The following LRRTM4 variants were observed in gnomAD, a reference collection of about 807,000 sequenced individuals.
The protein encoded by LRRTM4 is leucine-rich repeat transmembrane neuronal protein 4.
Under a neutral mutation model 47.6 loss-of-function variants are expected in LRRTM4, and 25 were observed. The ratio of observed to expected loss-of-function variants is 0.53; its 90% confidence interval spans 0.38 to 0.73. The LOEUF (loss-of-function observed/expected upper bound fraction) is 0.73, where lower values mean the gene tolerates loss of function less well. LRRTM4 is among the 30% of genes least tolerant of loss of function. LRRTM4 has a pLI of 0.00. For missense variants in LRRTM4, 638 were observed against 713.4 expected (o/e 0.89, Z 1.20); for synonymous variants, 311 against 269.5 (o/e 1.15, Z -1.51).
intron 3 of LRRTM4, among the ~76,000 whole-genome samples, chr2:77,278,889 C>T (rs1210857202): frequency 6.6e-6 from 1 of 151,952 alleles, no homozygotes; most frequent in Non-Finnish European, 1.5e-5. Flanking sequence ...GTTCCACTAG[C>T]CTGCATAGTG....
chr2:76,790,275 G>C (rs901572939), intron 3 of LRRTM4, among the ~76,000 whole-genome samples: 13 of 152,196 alleles, frequency 8.5e-5, no homozygotes, highest in African/African-American at 2.9e-4. Flanking sequence ...GGTGGTATGG[G>C]GATATGGTGC....
chr2:77,111,918 T>A (rs752647330), intron 3 of LRRTM4, among the ~76,000 whole-genome samples: 4 of 152,086 alleles, frequency 2.6e-5, no homozygotes, highest in Non-Finnish European at 5.9e-5. Context: ...GAAAAAGAAA[T>A]GTGTGCATAG....
At chr2:77,363,976 C>T (rs1672339568) in intron 3 of LRRTM4, among the ~76,000 whole-genome samples, 1 of 152,074 alleles carries the variant, frequency 6.6e-6, no homozygotes, top group South Asian at 2.1e-4. Context: ...ATGATTGACA[C>T]ATTTACCACA....
chr2:76,934,593 T>C (rs1674879178), intron 3 of LRRTM4, among the ~76,000 whole-genome samples: 1 of 152,176 alleles, frequency 6.6e-6, no homozygotes, highest in South Asian at 2.1e-4. Flanking sequence ...ATTTGCAGTG[T>C]GTAAATATTC....
intron 3 of LRRTM4, among the ~76,000 whole-genome samples, chr2:77,385,741 CTTTTTTTTT>C (rs33978835): frequency 1.2e-5 from 1 of 82,298 alleles, no homozygotes; most frequent in Non-Finnish European, 2.2e-5. Flanking sequence ...GTACATGGTA[CTTTTTTTTT>C]TTTTTTTTTT....
chr2:76,795,399 A>C (rs1675226665), intron 3 of LRRTM4, among the ~76,000 whole-genome samples: 1 of 152,188 alleles, frequency 6.6e-6, no homozygotes. Flanking sequence ...AAAAGTCTAT[A>C]CTGAACATGT....
intron 3 of LRRTM4, among the ~76,000 whole-genome samples, chr2:77,046,424 T>C (rs112245815): frequency 0.014 from 2,128 of 152,128 alleles, 51 homozygotes; most frequent in African/African-American, 0.049. Context: ...GGAAGTTTAG[T>C]GTCAGCCACT....
At chr2:77,065,819 T>G (rs1679932324) in intron 3 of LRRTM4, among the ~76,000 whole-genome samples, 1 of 152,170 alleles carries the variant, frequency 6.6e-6, no homozygotes, top group Non-Finnish European at 1.5e-5. Flanking sequence ...TTTGCCTGGT[T>G]GACTTAAACT....
At chr2:76,919,685 T>C (rs528827858) in intron 3 of LRRTM4, among the ~76,000 whole-genome samples, 10 of 152,306 alleles carry the variant, frequency 6.6e-5, no homozygotes, top group Non-Finnish European at 1.3e-4. Flanking sequence ...ACGTGAAATA[T>C]ATTAATAAAT....
At chr2:77,082,312 T>C (rs903694119) in intron 3 of LRRTM4, among the ~76,000 whole-genome samples, 1 of 152,146 alleles carries the variant, frequency 6.6e-6, no homozygotes, top group Non-Finnish European at 1.5e-5. Context: ...TTTTATTTCT[T>C]GGACACTTAT....
At chr2:76,909,887 C>T (rs563639682) in intron 3 of LRRTM4, among the ~76,000 whole-genome samples, 77 of 152,286 alleles carry the variant, frequency 5.1e-4, no homozygotes, top group African/African-American at 1.8e-3. Flanking sequence ...AACACTTTCA[C>T]ATTGTTGGTG....
chr2:76,961,381 T>C lies in LRRTM4; in HGVS notation c.1552-212465A>G, dbSNP rs201972073. ...GATGGAACATCACAGATCTGTTAGC[T>C]TGCCAATATTTTTATACATCAAAGA... On this transcript the variant is annotated intron_variant, in intron 3 of 3. Coordinates refer to ENST00000409884, the MANE Select transcript of LRRTM4 (RefSeq NM_001134745.3). Among the ~76,000 whole-genome samples, 18 of 150,842 alleles carry C rather than the reference T, an allele frequency of 1.2e-4. No individual in the cohort carries two copies. The East Asian group carries it at 3.6e-3, about 30-fold the overall frequency.
intron 3 of LRRTM4, among the ~76,000 whole-genome samples, chr2:76,928,880 T>G (rs918045222): frequency 2.0e-5 from 3 of 152,162 alleles, no homozygotes; most frequent in Admixed American, 2.0e-4. Flanking sequence ...AAAATCATAT[T>G]AATATATTTC....
intron 3 of LRRTM4, among the ~76,000 whole-genome samples, chr2:77,394,644 C>A (rs537831745): frequency 6.6e-6 from 1 of 151,934 alleles, no homozygotes; most frequent in African/African-American, 2.4e-5. Context: ...CAGGAGGAGC[C>A]GTGAATATTC....
chr2:76,990,266 C>G (rs1409386355), intron 3 of LRRTM4, among the ~76,000 whole-genome samples: 1 of 151,734 alleles, frequency 6.6e-6, no homozygotes, highest in Non-Finnish European at 1.5e-5. Context: ...TACAAAATGA[C>G]CAGCTAACAA....
chr2:76,765,818 T>C (rs924192200), intron 3 of LRRTM4, among the ~76,000 whole-genome samples: 1 of 152,244 alleles, frequency 6.6e-6, no homozygotes. Flanking sequence ...ACCATCACCA[T>C]GGCCTGGTAA....
chr2:77,393,795 A>T (rs991122631), intron 3 of LRRTM4, among the ~76,000 whole-genome samples: 1 of 151,926 alleles, frequency 6.6e-6, no homozygotes, highest in African/African-American at 2.4e-5. Flanking sequence ...AAAGGGACAG[A>T]GCTACTTGTT....
At chr2:77,031,721 CTAACTATA>C (rs1008670539) in intron 3 of LRRTM4, among the ~76,000 whole-genome samples, 1 of 151,488 alleles carries the variant, frequency 6.6e-6, no homozygotes, top group African/African-American at 2.4e-5. Context: ...CATGTGATCT[CTAACTATA>C]TCTTTGTGTG....
At chr2:77,442,756 T>C (rs1444364809) in intron 3 of LRRTM4, among the ~76,000 whole-genome samples, 6 of 152,180 alleles carry the variant, frequency 3.9e-5, no homozygotes, top group Admixed American at 1.3e-4. Flanking sequence ...TGATAGCACT[T>C]GGTGTTCAAG....
Sources: allele counts gnomAD v4.1 joint callset (sites outside exome capture counted in the v4.1 genomes callset), GRCh38; gene constraint gnomAD v4.1.1; transcripts MANE v1.5; gene names NCBI Gene and HGNC (gene_info 2026-07-23, HGNC 2026-07-21).